Variants in RAP1B observed in about 807,000 individuals in gnomAD.
RAP1B encodes ras-related protein Rap-1b.
Under a neutral mutation model 27.5 loss-of-function variants are expected in RAP1B, and 1 was observed. The observed-to-expected ratio is 0.04, with a 90% confidence interval of 0.01 to 0.17. The LOEUF (loss-of-function observed/expected upper bound fraction) is 0.17. Ranked by LOEUF, RAP1B falls within the 10% of genes least tolerant of loss-of-function variation. The probability of loss-of-function intolerance (pLI) is 1.00; values close to 1 mark genes in which losing one functional copy is unlikely to be tolerated. For missense variants in RAP1B, 84 were observed against 214.8 expected, an observed-to-expected ratio of 0.39 and a Z score of 3.81; for synonymous variants, 75 against 73.1, an observed-to-expected ratio of 1.03 and a Z score of -0.13.
chr12:68,635,204 C>T (rs778836437), intron 1 of RAP1B, among the ~76,000 whole-genome samples: 2 of 152,062 alleles, frequency 1.3e-5, no homozygotes, highest in Non-Finnish European at 2.9e-5. Flanking sequence ...GTAGGAGAGG[C>T]AGTGTTTGGG....
At chr12:68,651,157 T>G (rs148071448) in intron 3 of RAP1B, among the ~76,000 whole-genome samples, 13 of 152,256 alleles carry the variant, frequency 8.5e-5, no homozygotes, top group Admixed American at 6.5e-4. Context: ...CAAAAACTTT[T>G]GGATTTGGAA....
intron 1 of RAP1B, among the ~76,000 whole-genome samples, chr12:68,634,643 A>T (rs1183319554): frequency 6.6e-6 from 1 of 151,998 alleles, no homozygotes; most frequent in Non-Finnish European, 1.5e-5. Context: ...AAATCACTTA[A>T]CTATTTTGCT....
At chr12:68,636,044 AT>A (rs751155194) in intron 1 of RAP1B, among the ~76,000 whole-genome samples, 187 of 141,288 alleles carry the variant, frequency 1.3e-3, no homozygotes, top group Middle Eastern at 3.9e-3. Flanking sequence ...ACATTCGAGT[AT>A]TTTTTTTTTT....
At position 68,662,378 on chromosome 12, in the gene RAP1B, T is replaced by A. The variant is rs1592476573; in HGVS notation, c.*3129T>A. On this transcript the variant is annotated 3_prime_UTR_variant, in exon 8 of 8. Transcript: ENST00000250559. ...TTTTCTAAAAAGTGTAAAAACCCTGTATTGACTTTCTTGTTGATTCAGTTG... is the reference window on the plus strand; with the variant it reads ...TTTTCTAAAAAGTGTAAAAACCCTGAATTGACTTTCTTGTTGATTCAGTTG... The A allele has an allele frequency of 1.3e-5, 2 of 152,294 alleles. No homozygotes were observed. The highest frequency in any genetic ancestry group is 3.9e-4 in the East Asian group (2 of 5,182). The allele number at this position is 152,294 out of a possible 1,614,324, so 9.4% of individuals were successfully genotyped here. A position where few individuals can be genotyped will look rare whatever the true frequency, so the allele number is the denominator to read the frequency against.
At chr12:68,649,948 A>G (rs904689635) in intron 2 of RAP1B, 1 of 153,556 alleles carries the variant, frequency 6.5e-6, no homozygotes, top group African/African-American at 2.4e-5. Flanking sequence ...CCCCGTCTCT[A>G]CTAAAAATAT....
chr12:68,628,020 C>T lies in RAP1B; in HGVS notation c.-27+16977C>T, dbSNP rs1013486590. On this transcript the variant is annotated intron_variant, in intron 1 of 7. Coordinates refer to ENST00000250559, the MANE Select transcript of RAP1B (RefSeq NM_001010942.3). ...ACTCAGGATGTTGAGGTGGGTAGAT[C>T]GCTTGAGCCCAGGAGTTGAGGCTGT... Among the ~76,000 whole-genome samples the T allele has an allele frequency of 3.3e-5, 5 of 152,204 alleles. No individual in the cohort carries two copies. The South Asian group carries it at 6.2e-4, about 19-fold the overall frequency.
chr12:68,654,761 G>T (rs1034490107), intron 5 of RAP1B, among the ~76,000 whole-genome samples: 4 of 152,128 alleles, frequency 2.6e-5, no homozygotes, highest in African/African-American at 9.7e-5. Context: ...TTAAAGGCAA[G>T]AAATACATTA....
chr12:68,619,223 A>T (rs1392946016), intron 1 of RAP1B, among the ~76,000 whole-genome samples: 1 of 152,212 alleles, frequency 6.6e-6, no homozygotes, highest in East Asian at 1.9e-4. Context: ...TGCTTAAAAG[A>T]ATGCCAGACT....
chr12:68,633,252 A>G (rs149952345), intron 1 of RAP1B, among the ~76,000 whole-genome samples: 86 of 152,132 alleles, frequency 5.7e-4, no homozygotes, highest in Middle Eastern at 3.4e-3. Flanking sequence ...GATGACTTCA[A>G]TCATACTCAT....
chr12:68,615,787 A>C, intron 1 of RAP1B, among the ~76,000 whole-genome samples: 1 of 152,216 alleles, frequency 6.6e-6, no homozygotes, highest in Middle Eastern at 3.4e-3. Flanking sequence ...ATATATATAC[A>C]CATACATACA....
intron 1 of RAP1B, among the ~76,000 whole-genome samples, chr12:68,641,485 G>A (rs1872999330): frequency 6.6e-6 from 1 of 152,160 alleles, no homozygotes; most frequent in African/African-American, 2.4e-5. Flanking sequence ...TAAAACTACG[G>A]TCTGTAGAGT....
chr12:68,619,162 A>G (rs1871224849), intron 1 of RAP1B, among the ~76,000 whole-genome samples: 1 of 152,212 alleles, frequency 6.6e-6, no homozygotes, highest in Non-Finnish European at 1.5e-5. Context: ...TAGGGAAAGT[A>G]TTTGTGTGAT....
In RAP1B at chr12:68,670,735, TA is replaced by T. The variant is rs1407271293; in HGVS notation, c.*11489del. The T allele has an allele frequency of 6.6e-5, 10 of 152,104 alleles. No homozygotes were observed. Among genetic ancestry groups the T allele is most frequent in the African/African-American group, 2.4e-4 (10 of 41,424 alleles). The allele number at this position is 152,104 out of a possible 1,614,324, so 9.4% of individuals were successfully genotyped here. ...GGAAAGTATAGCACAGATAAAAGAT[TA>T]AACTATTCACGGCCAGGCACGGTGG... On this transcript the variant is annotated 3_prime_UTR_variant, in exon 8 of 8. Coordinates refer to ENST00000250559, the MANE Select transcript of RAP1B (RefSeq NM_001010942.3).
intron 1 of RAP1B, chr12:68,627,079 C>T (rs1157085943): frequency 9.4e-6 from 15 of 1,593,526 alleles, no homozygotes; most frequent in South Asian, 3.3e-5. Flanking sequence ...ATCACATGCT[C>T]CTTGTTCTGC....
chr12:68,624,398 CTAA>C (rs1871602268), intron 1 of RAP1B: 1 of 151,896 alleles, frequency 6.6e-6, no homozygotes, highest in African/African-American at 2.4e-5. Flanking sequence ...AGTTTGTTTC[CTAA>C]TAATGTTTTT....
At chr12:68,629,337 A>G (rs1391469784) in intron 1 of RAP1B, among the ~76,000 whole-genome samples, 1 of 152,216 alleles carries the variant, frequency 6.6e-6, no homozygotes, top group African/African-American at 2.4e-5. Flanking sequence ...ATTGAAATTT[A>G]ATATATGGAA....
At chr12:68,628,602 G>A (rs1397567098) in intron 1 of RAP1B, among the ~76,000 whole-genome samples, 2 of 152,034 alleles carry the variant, frequency 1.3e-5, no homozygotes, top group Non-Finnish European at 2.9e-5. Context: ...TGAGAGAAAA[G>A]TACAAGAATG....
At chr12:68,612,616 T>C (rs1870685585) in intron 1 of RAP1B, among the ~76,000 whole-genome samples, 1 of 152,238 alleles carries the variant, frequency 6.6e-6, no homozygotes, top group Admixed American at 6.5e-5. Flanking sequence ...CAAAGAATAT[T>C]CTTCCCATAT....
intron 1 of RAP1B, among the ~76,000 whole-genome samples, chr12:68,637,599 C>CAAAACAAAAAAAAAAA (rs1872713147): frequency 2.9e-5 from 1 of 34,234 alleles, no homozygotes; most frequent in South Asian, 1.7e-3. Context: ...AACTCCATCT[C>CAAAACAAAAAAAAAAA]AAAAAAAAAA....
Sources: allele counts gnomAD v4.1 joint callset (sites outside exome capture counted in the v4.1 genomes callset), GRCh38; gene constraint gnomAD v4.1.1; transcripts MANE v1.5; gene names NCBI Gene and HGNC (gene_info 2026-07-23, HGNC 2026-07-21).